NOS1AP: variants seen among roughly 807,000 people sequenced by gnomAD.
The protein encoded by NOS1AP is nitric oxide synthase 1 adaptor protein.
Under a neutral mutation model 56.2 loss-of-function variants are expected in NOS1AP, and 21 were observed. The ratio of observed to expected loss-of-function variants is 0.37; its 90% CI spans 0.26 to 0.54. The LOEUF (loss-of-function observed/expected upper bound fraction) is 0.54. Among genes scored for constraint, NOS1AP ranks in the 20% least tolerant of loss-of-function variants. The probability of loss-of-function intolerance (pLI) is 0.84; values close to 1 mark genes in which losing one functional copy is unlikely to be tolerated. For synonymous variants in NOS1AP, 270 were observed against 274.6 expected, an observed-to-expected ratio of 0.98 and a Z score of 0.17; for missense variants, 522 against 657.8, an observed-to-expected ratio of 0.79 and a Z score of 2.26.
chr1:162,210,644 A>T (rs1204482499), intron 2 of NOS1AP, among the ~76,000 whole-genome samples: 1 of 152,106 alleles, frequency 6.6e-6, no homozygotes, highest in African/African-American at 2.4e-5. Flanking sequence ...TGCCACTTGT[A>T]ATTACCTCCA....
At chr1:162,298,346 C>T (rs1203324813) in intron 3 of NOS1AP, among the ~76,000 whole-genome samples, 2 of 152,208 alleles carry the variant, frequency 1.3e-5, no homozygotes, top group African/African-American at 4.8e-5. Flanking sequence ...GACCTGCAGT[C>T]ATGAAGCCAC....
At chr1:162,231,462 CA>C (rs1387104912) in intron 2 of NOS1AP, among the ~76,000 whole-genome samples, 2 of 152,128 alleles carry the variant, frequency 1.3e-5, no homozygotes, top group African/African-American at 4.8e-5. Context: ...GTCTTTTGCA[CA>C]GGCGTTTTAC....
At chr1:162,085,067 A>G (rs988946256) in intron 1 of NOS1AP, among the ~76,000 whole-genome samples, 3 of 152,228 alleles carry the variant, frequency 2.0e-5, no homozygotes, top group African/African-American at 7.2e-5. Flanking sequence ...GTTAGAGAGA[A>G]CAGGCTTTCT....
At chr1:162,082,414 C>A (rs1017632017) in intron 1 of NOS1AP, among the ~76,000 whole-genome samples, 2 of 152,156 alleles carry the variant, frequency 1.3e-5, no homozygotes, top group African/African-American at 4.8e-5. Context: ...ATGCATGTGT[C>A]TTTATAATAG....
At chr1:162,143,074 A>T (rs1381885260) in intron 1 of NOS1AP, among the ~76,000 whole-genome samples, 2 of 152,080 alleles carry the variant, frequency 1.3e-5, no homozygotes, top group African/African-American at 4.8e-5. Flanking sequence ...GTCGGAGGCA[A>T]ATGTGACAGG....
chr1:162,107,247 G>C (rs751727473), intron 1 of NOS1AP, among the ~76,000 whole-genome samples: 4 of 152,090 alleles, frequency 2.6e-5, no homozygotes, highest in Non-Finnish European at 5.9e-5. Flanking sequence ...GAGAAGAGGG[G>C]TAATGGGATG....
chr1:162,111,198 C>T (rs1295225346), intron 1 of NOS1AP, among the ~76,000 whole-genome samples: 1 of 152,136 alleles, frequency 6.6e-6, no homozygotes, highest in East Asian at 1.9e-4. Context: ...GGGGGCTTGT[C>T]TGAGGTCAGA....
intron 1 of NOS1AP, among the ~76,000 whole-genome samples, chr1:162,085,839 A>G (rs1357474233): frequency 6.6e-6 from 1 of 152,110 alleles, no homozygotes; most frequent in African/African-American, 2.4e-5. Context: ...ATCACATACT[A>G]TGTGCTGGGC....
intron 1 of NOS1AP, among the ~76,000 whole-genome samples, chr1:162,119,938 T>C (rs1214680956): frequency 1.3e-5 from 2 of 152,098 alleles, no homozygotes; most frequent in Non-Finnish European, 2.9e-5. Flanking sequence ...TGGTAACAGT[T>C]GGTATATGGC....
At chr1:162,352,755 C>T (rs989911698) in intron 6 of NOS1AP, among the ~76,000 whole-genome samples, 11 of 151,920 alleles carry the variant, frequency 7.2e-5, no homozygotes, top group Non-Finnish European at 1.3e-4. Context: ...ACTGCATTCT[C>T]ATGATCTAAT....
intron 1 of NOS1AP, among the ~76,000 whole-genome samples, chr1:162,093,513 C>T (rs946037478): frequency 5.9e-5 from 9 of 152,162 alleles, no homozygotes; most frequent in Non-Finnish European, 1.3e-4. Flanking sequence ...GTCTCTCTCT[C>T]AGGCTACATA....
At chr1:162,113,262 T>C (rs1647782276) in intron 1 of NOS1AP, among the ~76,000 whole-genome samples, 1 of 151,944 alleles carries the variant, frequency 6.6e-6, no homozygotes, top group Admixed American at 6.6e-5. Context: ...GTAAGCACAA[T>C]TGTTGGAGCA....
intron 2 of NOS1AP, among the ~76,000 whole-genome samples, chr1:162,251,828 C>T (rs530157169): frequency 2.5e-4 from 37 of 147,360 alleles, no homozygotes; most frequent in African/African-American, 7.7e-4. Flanking sequence ...GCTGGGACTA[C>T]AGGCATGCAC....
intron 2 of NOS1AP, among the ~76,000 whole-genome samples, chr1:162,207,895 T>G (rs1652212287): frequency 1.3e-5 from 2 of 152,258 alleles, no homozygotes; most frequent in African/African-American, 4.8e-5. Context: ...AAAATAAAGT[T>G]TATTTTAAAA....
chr1:162,141,610 C>A (rs78694717), intron 1 of NOS1AP, among the ~76,000 whole-genome samples: 3 of 152,276 alleles, frequency 2.0e-5, no homozygotes, highest in African/African-American at 7.2e-5. Context: ...TTTCACTGAT[C>A]GCCCTTGTGT....
chr1:162,128,729 T>G (rs1648605893), intron 1 of NOS1AP, among the ~76,000 whole-genome samples: 1 of 152,156 alleles, frequency 6.6e-6, no homozygotes, highest in Admixed American at 6.5e-5. Flanking sequence ...GCAAGGTAAT[T>G]TGTTAGCCTA....
At chr1:162,288,397 C>T (rs947568666) in intron 3 of NOS1AP, among the ~76,000 whole-genome samples, 7 of 152,074 alleles carry the variant, frequency 4.6e-5, no homozygotes, top group South Asian at 2.1e-4. Flanking sequence ...CCTTGAATGT[C>T]GGGGCTAGAG....
chr1:162,126,721 A>G (rs879291785), intron 1 of NOS1AP, among the ~76,000 whole-genome samples: 1 of 152,204 alleles, frequency 6.6e-6, no homozygotes, highest in Non-Finnish European at 1.5e-5. Context: ...TTTTACAAAT[A>G]CTGTCACAAT....
intron 2 of NOS1AP, among the ~76,000 whole-genome samples, chr1:162,234,217 G>A (rs2101672752): frequency 6.6e-6 from 1 of 152,268 alleles, no homozygotes; most frequent in South Asian, 2.1e-4. Context: ...ACATGAAGAT[G>A]AGGAAAAGCT....
Sources: allele counts gnomAD v4.1 joint callset (sites outside exome capture counted in the v4.1 genomes callset), GRCh38; gene constraint gnomAD v4.1.1; transcripts MANE v1.5; gene names NCBI Gene and HGNC (gene_info 2026-07-23, HGNC 2026-07-21).